The following MCTP1 variants were observed in gnomAD, a reference collection of about 807,000 sequenced individuals.
The protein encoded by MCTP1 is multiple C2 and transmembrane domain containing 1.
Under a neutral mutation model 120.6 loss-of-function variants are expected in MCTP1, and 69 were observed. The ratio of observed to expected loss-of-function variants is 0.57; its 90% CI spans 0.47 to 0.70. The LOEUF (loss-of-function observed/expected upper bound fraction) is 0.70, where lower values mean the gene tolerates loss of function less well. MCTP1 is among the 30% of genes least tolerant of loss of function. The pLI is 0.00. For missense variants in MCTP1, 1,203 were observed against 1,248.8 expected, an observed-to-expected ratio of 0.96 and a Z score of 0.55; for synonymous variants, 529 against 493.1, an observed-to-expected ratio of 1.07 and a Z score of -0.96.
intron 19 of MCTP1, among the ~76,000 whole-genome samples, chr5:94,761,612 G>A (rs887872121): frequency 8.5e-5 from 13 of 152,298 alleles, no homozygotes; most frequent in Admixed American, 3.3e-4. Flanking sequence ...AATAGGCTCC[G>A]TATTTCTTAA....
chr5:94,704,827 T>TACA lies in MCTP1; in HGVS notation c.*2668_*2669insTGT, dbSNP rs1754162579. ...TAGGTTCTGTAGGAATTCCAGTTTT[T>TACA]GAACATTCTATATGCACTAGGATAA... On this transcript the variant is annotated 3_prime_UTR_variant, in exon 23 of 23. Coordinates refer to ENST00000515393, the MANE Select transcript of MCTP1 (RefSeq NM_024717.7). The TACA allele has an allele frequency of 6.7e-6, 1 of 148,540 alleles. No individual in the cohort carries two copies. The highest frequency in any genetic ancestry group is 1.5e-5 in the Non-Finnish European group (1 of 66,806). 9.2% of individuals were successfully genotyped at this position (148,540 alleles called of 1,614,324 possible). A position where few individuals can be genotyped will look rare whatever the true frequency, so the allele number is the denominator to read the frequency against.
chr5:94,931,902 T>TG, intron 6 of MCTP1, 51 bp downstream of exon 6: 1 of 1,353,554 alleles, frequency 7.4e-7, no homozygotes, highest in Non-Finnish European at 1.1e-6. Context: ...GGAAAGCAGA[T>TG]GATAGTTCTG....
intron 19 of MCTP1, among the ~76,000 whole-genome samples, chr5:94,727,655 A>G (rs1310408120): frequency 1.3e-5 from 2 of 152,208 alleles, no homozygotes; most frequent in East Asian, 1.9e-4. Context: ...AGTCTTAAGA[A>G]CAAATCAGGA....
At chr5:95,274,277 CA>C (rs1403684120) in intron 1 of MCTP1, among the ~76,000 whole-genome samples, 1 of 152,210 alleles carries the variant, frequency 6.6e-6, no homozygotes, top group Non-Finnish European at 1.5e-5. Flanking sequence ...ATCCTAATCA[CA>C]CTTCAAAACT....
intron 1 of MCTP1, among the ~76,000 whole-genome samples, chr5:95,269,016 C>G (rs999562913): frequency 6.6e-6 from 1 of 152,176 alleles, no homozygotes. Context: ...TGCTGTTTAC[C>G]AGCTTTGTGA....
intron 19 of MCTP1, among the ~76,000 whole-genome samples, chr5:94,754,268 G>A (rs1302189846): frequency 6.6e-6 from 1 of 152,202 alleles, no homozygotes; most frequent in African/African-American, 2.4e-5. Flanking sequence ...GGCTGATGGA[G>A]TGGAATGTCT....
rs72779486 is a variant in MCTP1 at position 95,194,090 on chromosome 5, C to T, written c.720+89766G>A. 2.6e-3 allele frequency among the ~76,000 whole-genome samples: 400 copies of T among 152,202 alleles called. 1 individual carries two copies. The highest frequency in any genetic ancestry group is 4.1e-3 in the Non-Finnish European group (280 of 68,004). ...AATTAGCCAAGCATGGTAGCTTGCA[C>T]CTGTAGTCCTAACTCCTCGGGAGGT... On this transcript the variant is annotated intron_variant, in intron 1 of 22. Coordinates refer to ENST00000515393, the MANE Select transcript of MCTP1 (RefSeq NM_024717.7).
intron 2 of MCTP1, among the ~76,000 whole-genome samples, chr5:94,988,596 T>TG (rs1000955549): frequency 1.5e-4 from 19 of 128,042 alleles, no homozygotes; most frequent in South Asian, 2.6e-4. Flanking sequence ...TCCCTGTGTG[T>TG]GTTTTTTTTT....
intron 12 of MCTP1, among the ~76,000 whole-genome samples, chr5:94,875,810 A>G (rs552436796): frequency 6.6e-6 from 1 of 151,854 alleles, no homozygotes; most frequent in Admixed American, 6.6e-5. Context: ...AGATATTTCT[A>G]GAATCTGACA....
At position 94,888,988 on chromosome 5, in the gene MCTP1, A is replaced by G; in HGVS notation, c.1840-16T>C. On this transcript the variant is annotated splice_polypyrimidine_tract_variant and intron_variant, in intron 11 of 22. Coordinates refer to ENST00000515393, the MANE Select transcript of MCTP1 (RefSeq NM_024717.7). ...TCAATGGGCTCTGAAAGACCCCAAC[A>G]TCAGTATTAGAAAAGGGAGGTCCCA... 3 of 1,557,102 alleles carry G rather than the reference A, an allele frequency of 1.9e-6. No individual in the cohort carries two copies. Among genetic ancestry groups the G allele is most frequent in the Non-Finnish European group, 2.7e-6 (3 of 1,128,140 alleles).
chr5:94,759,846 C>CA (rs1335778653), intron 19 of MCTP1, among the ~76,000 whole-genome samples: 1 of 119,072 alleles, frequency 8.4e-6, no homozygotes, highest in Non-Finnish European at 1.6e-5. Context: ...GTACCTAATG[C>CA]AAAATGTCTT....
chr5:95,056,895 A>C (rs1174523238), intron 1 of MCTP1, among the ~76,000 whole-genome samples: 2 of 152,196 alleles, frequency 1.3e-5, no homozygotes, highest in African/African-American at 2.4e-5. Flanking sequence ...ACGCAAATAC[A>C]TACGTATTTC....
rs564742437 is a variant in MCTP1 at position 95,236,690 on chromosome 5, A to T, written c.720+47166T>A. ...TGGGAACATCCCACAAATAGTAGAT[A>T]TGGGCTGAGTTGTCTACTATTTGTC... is the stretch of plus-strand genomic sequence containing the variant. On this transcript the variant is annotated intron_variant, in intron 1 of 22. Coordinates refer to ENST00000515393, the MANE Select transcript of MCTP1 (RefSeq NM_024717.7). Among the ~76,000 whole-genome samples, 23 of 152,324 alleles carry T rather than the reference A, an allele frequency of 1.5e-4. No homozygotes were observed. The South Asian group carries it at 4.8e-3, about 32-fold the overall frequency.
chr5:94,990,146 G>A (rs531865863), intron 2 of MCTP1, among the ~76,000 whole-genome samples: 13 of 152,202 alleles, frequency 8.5e-5, no homozygotes, highest in East Asian at 1.9e-4. Context: ...CATCTGAAGC[G>A]GGGGCAATCA....
At chr5:95,237,313 G>A (rs1755656897) in intron 1 of MCTP1, among the ~76,000 whole-genome samples, 1 of 152,304 alleles carries the variant, frequency 6.6e-6, no homozygotes, top group South Asian at 2.1e-4. Flanking sequence ...CAGGAGAGTG[G>A]CTGTGAAATA....
intron 1 of MCTP1, among the ~76,000 whole-genome samples, chr5:95,214,000 C>A (rs1413841467): frequency 6.6e-6 from 1 of 152,038 alleles, no homozygotes; most frequent in Non-Finnish European, 1.5e-5. Flanking sequence ...CAACAAAAGC[C>A]AAAATTGACA....
At chr5:95,134,335 A>G (rs1450566797) in intron 1 of MCTP1, among the ~76,000 whole-genome samples, 1 of 152,256 alleles carries the variant, frequency 6.6e-6, no homozygotes, top group Non-Finnish European at 1.5e-5. Context: ...ATGTTCACAC[A>G]TTATAGGCAA....
intron 1 of MCTP1, among the ~76,000 whole-genome samples, chr5:95,259,088 G>A (rs2152713415): frequency 6.6e-6 from 1 of 152,282 alleles, no homozygotes; most frequent in South Asian, 2.1e-4. Flanking sequence ...CTGAGGCCAA[G>A]AATAAATTCA....
intron 19 of MCTP1, among the ~76,000 whole-genome samples, chr5:94,720,035 A>C (rs985214524): frequency 1.3e-5 from 2 of 152,158 alleles, no homozygotes; most frequent in African/African-American, 4.8e-5. Flanking sequence ...CTGAGGCAGG[A>C]GAATCGCTTG....
Sources: gnomAD v4.1 joint callset for allele counts (sites outside exome capture counted in the v4.1 genomes callset) on GRCh38, gnomAD v4.1.1 for gene constraint, MANE v1.5 for transcripts, NCBI Gene and HGNC (gene_info 2026-07-23, HGNC 2026-07-21) for gene names.